The following LEPR variants were observed in gnomAD, a reference collection of about 807,000 sequenced individuals.
LEPR encodes the protein leptin receptor, also known as OB receptor.
In LEPR, 56 loss-of-function variants were observed where a neutral mutation model predicts 114.7. That is an observed-to-expected ratio of 0.49 (90% CI 0.39 to 0.61). The LOEUF is 0.61. Among genes scored for constraint, LEPR ranks in the 20% least tolerant of loss-of-function variants. The pLI is 0.00. For missense variants in LEPR, 1,202 were observed against 1,352.9 expected (o/e 0.89, Z 1.75); for synonymous variants, 443 against 461.4 (o/e 0.96, Z 0.51).
At chr1:65,507,509 A>G (rs914829721) in intron 2 of LEPR, among the ~76,000 whole-genome samples, 3 of 136,488 alleles carry the variant, frequency 2.2e-5, no homozygotes, top group Admixed American at 1.6e-4. Flanking sequence ...GTATATATAT[A>G]TACATATATA....
At chr1:65,489,085 G>A (rs1373505989) in intron 2 of LEPR, among the ~76,000 whole-genome samples, 1 of 152,160 alleles carries the variant, frequency 6.6e-6, no homozygotes, top group African/African-American at 2.4e-5. Context: ...AAGCATGTGA[G>A]TGCAGATATC....
At chr1:65,486,556 T>C (rs796855896) in intron 2 of LEPR, 3 of 152,320 alleles carry the variant, frequency 2.0e-5, no homozygotes, top group African/African-American at 4.8e-5. Context: ...CTAGTAGTGG[T>C]TGTAACGTTT....
intron 8 of LEPR, 92 bp from the exon 9 acceptor site, chr1:65,601,298 ACT>A: frequency 1.4e-6 from 2 of 1,450,170 alleles, no homozygotes; most frequent in Non-Finnish European, 1.9e-6. Context: ...TGGCAGTGTA[ACT>A]CTGGAATGTG....
chr1:65,635,686 T>G (rs1385054991), intron 19 of LEPR, among the ~76,000 whole-genome samples: 1 of 152,162 alleles, frequency 6.6e-6, no homozygotes, highest in Non-Finnish European at 1.5e-5. Flanking sequence ...ATTTTAACTG[T>G]TTTTAGACAA....
intron 2 of LEPR, among the ~76,000 whole-genome samples, chr1:65,552,771 G>T (rs898672112): frequency 6.6e-6 from 1 of 152,136 alleles, no homozygotes; most frequent in African/African-American, 2.4e-5. Flanking sequence ...ATGCTAGCTG[G>T]TTGTTTTGCC....
At chr1:65,558,588 G>T (rs1570692433) in intron 2 of LEPR, among the ~76,000 whole-genome samples, 2 of 47,524 alleles carry the variant, frequency 4.2e-5, no homozygotes, top group Admixed American at 2.2e-4. Flanking sequence ...TAGGGTACAT[G>T]TGCACATTGT....
intron 1 of LEPR, chr1:65,421,378 T>C: frequency 3.9e-6 from 6 of 1,536,092 alleles, no homozygotes; most frequent in Non-Finnish European, 5.2e-6. Context: ...GGGCAGTTGG[T>C]AAAAACACCG....
intron 2 of LEPR, among the ~76,000 whole-genome samples, chr1:65,483,580 C>A (rs1047021056): frequency 1.2e-4 from 18 of 152,110 alleles, no homozygotes; most frequent in Non-Finnish European, 1.5e-5. Context: ...AAATCAAAGT[C>A]CTTAAAATGC....
At chr1:65,435,571 G>C (rs1646551064) in intron 2 of LEPR, 1 of 515,138 alleles carries the variant, frequency 1.9e-6, no homozygotes. Flanking sequence ...GTTTCATCGT[G>C]TTAGCCAGGA....
intron 2 of LEPR, among the ~76,000 whole-genome samples, chr1:65,537,261 G>A (rs1438131526): frequency 6.6e-6 from 1 of 152,010 alleles, no homozygotes; most frequent in Middle Eastern, 3.2e-3. Flanking sequence ...TTTAATGAAA[G>A]GAACTAAGTA....
At chr1:65,571,654 TAAAAA>T (rs377763359) in intron 4 of LEPR, among the ~76,000 whole-genome samples, 2 of 131,260 alleles carry the variant, frequency 1.5e-5, no homozygotes. Context: ...TGTCTAATGT[TAAAAA>T]AAAAAAAAAA....
chr1:65,433,298 TA>T, intron 2 of LEPR: 1 of 985,436 alleles, frequency 1.0e-6, no homozygotes, highest in Non-Finnish European at 1.2e-6. Flanking sequence ...CGTGTTGATG[TA>T]CTTGTCTTCC....
At chr1:65,589,871 TC>T (rs1655571018) in intron 5 of LEPR, among the ~76,000 whole-genome samples, 1 of 152,080 alleles carries the variant, frequency 6.6e-6, no homozygotes, top group South Asian at 2.1e-4. Context: ...CAAAATATGT[TC>T]TTCAGTTTCA....
chr1:65,524,526 C>T (rs973675349), intron 2 of LEPR, among the ~76,000 whole-genome samples: 1 of 152,186 alleles, frequency 6.6e-6, no homozygotes, highest in African/African-American at 2.4e-5. Flanking sequence ...TAGCAAGGTT[C>T]CTTCCATAAT....
chr1:65,596,300 C>T (rs70940805), intron 6 of LEPR, 148 bp from the exon 7 acceptor site: 12 of 908,114 alleles, frequency 1.3e-5, no homozygotes, highest in Middle Eastern at 3.4e-4. Flanking sequence ...AAGCTTGTTT[C>T]GGTTCTATAA....
intron 16 of LEPR, 72 bp downstream of exon 16, chr1:65,618,218 T>TA: frequency 1.4e-6 from 2 of 1,412,296 alleles, no homozygotes; most frequent in Non-Finnish European, 1.9e-6. Flanking sequence ...ATTCTATTAA[T>TA]ATAGCCAGTT....
chr1:65,452,708 A>G (rs1646804434), intron 2 of LEPR, among the ~76,000 whole-genome samples: 1 of 151,412 alleles, frequency 6.6e-6, no homozygotes, highest in Admixed American at 6.6e-5. Flanking sequence ...TTTTTGCATC[A>G]ATGTTCATCA....
intron 2 of LEPR, among the ~76,000 whole-genome samples, chr1:65,564,146 C>T (rs545185348): frequency 1.1e-4 from 16 of 149,316 alleles, no homozygotes; most frequent in Admixed American, 1.1e-3. Context: ...GCGCCCCTCC[C>T]CCAGCCTCGC....
chr1:65,570,378 A>G (rs1173914309), intron 3 of LEPR, 95 bp from the exon 4 acceptor site: 2 of 1,193,738 alleles, frequency 1.7e-6, no homozygotes, highest in Admixed American at 4.6e-5. Flanking sequence ...TTAAATAATT[A>G]TTGAGCACTA....
Sources: gnomAD v4.1 joint callset for allele counts (sites outside exome capture counted in the v4.1 genomes callset) on GRCh38, gnomAD v4.1.1 for gene constraint, MANE v1.5 for transcripts, NCBI Gene and HGNC (gene_info 2026-07-23, HGNC 2026-07-21) for gene names.